The following LPAR1 variants were observed in gnomAD, a reference collection of about 807,000 sequenced individuals.
The protein encoded by LPAR1 is LPA receptor 1.
Under a neutral mutation model 23.8 loss-of-function variants are expected in LPAR1, and 5 were observed. The ratio of observed to expected loss-of-function variants is 0.21; its 90% CI spans 0.11 to 0.44. LPAR1 has a LOEUF of 0.44. Among genes scored for constraint, LPAR1 ranks in the 20% least tolerant of loss-of-function variants. The pLI is 0.99. For missense variants in LPAR1, 311 were observed against 482.8 expected, an observed-to-expected ratio of 0.64 and a Z score of 3.33; for synonymous variants, 160 against 164.7, an observed-to-expected ratio of 0.97 and a Z score of 0.22.
chr9:110,952,786 G>A (rs140805380), intron 4 of LPAR1, among the ~76,000 whole-genome samples: 43 of 152,000 alleles, frequency 2.8e-4, no homozygotes, highest in East Asian at 1.4e-3. Context: ...GGATCACCCC[G>A]CCCCTGCCTA....
intron 4 of LPAR1, among the ~76,000 whole-genome samples, chr9:110,965,107 A>T (rs888517655): frequency 7.2e-5 from 11 of 151,948 alleles, no homozygotes; most frequent in African/African-American, 2.7e-4. Context: ...CTGACAGGTG[A>T]TCCACCAGTC....
At chr9:110,909,922 C>T (rs558292039) in intron 5 of LPAR1, among the ~76,000 whole-genome samples, 54 of 151,668 alleles carry the variant, frequency 3.6e-4, no homozygotes, top group African/African-American at 1.3e-3. Context: ...TAATTTTTTG[C>T]ATTTTTTGGA....
chr9:110,921,785 T>C (rs1392499262), intron 5 of LPAR1, among the ~76,000 whole-genome samples: 1 of 152,148 alleles, frequency 6.6e-6, no homozygotes, highest in African/African-American at 2.4e-5. Flanking sequence ...CCCACCCACA[T>C]TGCAGGGAGA....
intron 2 of LPAR1, among the ~76,000 whole-genome samples, chr9:110,993,757 C>T (rs150931005): frequency 2.1e-3 from 326 of 152,260 alleles, no homozygotes; most frequent in Non-Finnish European, 4.0e-3. Flanking sequence ...AGGTGCCAGG[C>T]TCCTTGGAGA....
chr9:110,969,500 T>C (rs986085890), intron 4 of LPAR1, among the ~76,000 whole-genome samples: 1 of 151,998 alleles, frequency 6.6e-6, no homozygotes, highest in African/African-American at 2.4e-5. Flanking sequence ...TCACCTGAGG[T>C]CAGGAGTTTG....
chr9:110,901,547 CA>C (rs1314896595), intron 5 of LPAR1, among the ~76,000 whole-genome samples: 2 of 152,148 alleles, frequency 1.3e-5, no homozygotes, highest in East Asian at 3.9e-4. Context: ...AGAGTGTGTG[CA>C]GGGGAATTGC....
At position 110,974,158 on chromosome 9, in the gene LPAR1, C is replaced by CAA. The variant is rs11387116; in HGVS notation, c.-181-602_-181-601dup. 5.4e-3 allele frequency among the ~76,000 whole-genome samples: 814 copies of CAA among 149,624 alleles called. 13 individuals carry two copies. Among genetic ancestry groups the CAA allele is most frequent in the East Asian group, 0.024 (124 of 5,084 alleles). ...TGGGCAACAGAGCAAGACTCCGTCT[C>CAA]AAAAAAAAAAAGTAAGGCTAAGCCA... On this transcript the variant is annotated intron_variant, in intron 2 of 5. Transcript: ENST00000683809.
At chr9:110,969,872 C>T (rs1223378998) in intron 4 of LPAR1, among the ~76,000 whole-genome samples, 3 of 152,118 alleles carry the variant, frequency 2.0e-5, no homozygotes, top group Non-Finnish European at 4.4e-5. Context: ...ATTCCTTATA[C>T]ACTCCTTGGG....
chr9:110,876,991 C>A (rs1367962291), intron 5 of LPAR1, among the ~76,000 whole-genome samples: 1 of 152,158 alleles, frequency 6.6e-6, no homozygotes, highest in Non-Finnish European at 1.5e-5. Context: ...ACCTAATGGG[C>A]CCCATATGTG....
chr9:110,876,954 G>T (rs2079262261), intron 5 of LPAR1, among the ~76,000 whole-genome samples: 1 of 152,090 alleles, frequency 6.6e-6, no homozygotes, highest in Non-Finnish European at 1.5e-5. Flanking sequence ...CAACAGCGGT[G>T]GGCACCACTG....
At chr9:110,964,386 G>C (rs1251067155) in intron 4 of LPAR1, among the ~76,000 whole-genome samples, 1 of 152,164 alleles carries the variant, frequency 6.6e-6, no homozygotes, top group Non-Finnish European at 1.5e-5. Context: ...GTGATATTAA[G>C]GAGTTATTTA....
intron 2 of LPAR1, among the ~76,000 whole-genome samples, chr9:111,001,048 A>G (rs993494831): frequency 5.9e-5 from 9 of 152,214 alleles, no homozygotes; most frequent in Admixed American, 5.9e-4. Context: ...GCTGTTTTAA[A>G]TAATACTCCT....
chr9:110,982,861 T>TACACACAC (rs55748505), intron 2 of LPAR1, among the ~76,000 whole-genome samples: 11,032 of 139,964 alleles, frequency 0.079, 466 homozygotes, highest in South Asian at 0.12. Context: ...TATATACACA[T>TACACACAC]ACACACACAC....
intron 5 of LPAR1, among the ~76,000 whole-genome samples, chr9:110,893,134 C>A (rs987960965): frequency 1.3e-5 from 2 of 152,174 alleles, no homozygotes; most frequent in African/African-American, 4.8e-5. Context: ...AATAAATGGA[C>A]ACACTCATAT....
At chr9:111,010,895 A>T (rs888821221) in intron 2 of LPAR1, among the ~76,000 whole-genome samples, 1 of 152,210 alleles carries the variant, frequency 6.6e-6, no homozygotes, top group Non-Finnish European at 1.5e-5. Flanking sequence ...AATATTAGCC[A>T]GAAACTTAAT....
In LPAR1 at chr9:110,875,640, A is replaced by G; in HGVS notation, c.876T>C (p.Tyr292=). ...CAGCAAGGAGAAGGAAGAATTTCTC[A>G]TAGGCCAGCACGTCGCACTGTGGAC... is the stretch of plus-strand genomic sequence containing the variant. ...VCCPQCDVLA[Y]EKFFLLLAEF... The change falls in exon 6 of 6, where the codon TAT becomes TAC. Residue 292 remains tyrosine (Y), a synonymous_variant. Coordinates refer to ENST00000683809, the MANE Select transcript of LPAR1 (RefSeq NM_001351411.2). 1 of 1,613,662 alleles carries G rather than the reference A, an allele frequency of 6.2e-7. No individual in the cohort carries two copies. The highest frequency in any genetic ancestry group is 8.5e-7 in the Non-Finnish European group (1 of 1,179,584).
At chr9:110,877,458 A>G (rs567253700) in intron 5 of LPAR1, among the ~76,000 whole-genome samples, 2 of 152,350 alleles carry the variant, frequency 1.3e-5, no homozygotes, top group South Asian at 4.1e-4. Context: ...AAATGTTAAT[A>G]AAGCATTCAT....
At chr9:110,962,214 C>T (rs1028730583) in intron 4 of LPAR1, among the ~76,000 whole-genome samples, 1 of 152,126 alleles carries the variant, frequency 6.6e-6, no homozygotes, top group Non-Finnish European at 1.5e-5. Context: ...CAGCTCATTC[C>T]TAAGTTCCCA....
chr9:110,957,931 C>T (rs1436625360), intron 4 of LPAR1, among the ~76,000 whole-genome samples: 1 of 152,016 alleles, frequency 6.6e-6, no homozygotes, highest in Admixed American at 6.6e-5. Flanking sequence ...TTTTTACACA[C>T]CAATAATGAA....
Sources: allele counts gnomAD v4.1 joint callset (sites outside exome capture counted in the v4.1 genomes callset), GRCh38; gene constraint gnomAD v4.1.1; transcripts MANE v1.5; gene names NCBI Gene and HGNC (gene_info 2026-07-23, HGNC 2026-07-21).